Variants in BTF3L4 observed in about 807,000 individuals in gnomAD.
BTF3L4 encodes basic transcription factor 3 like 4, also known as transcription factor BTF3 homolog 4.
Under a neutral mutation model 16.8 loss-of-function variants are expected in BTF3L4, and 6 were observed. That is an observed-to-expected ratio of 0.36 (90% confidence interval 0.20 to 0.71). BTF3L4 has a LOEUF of 0.71. Ranked by LOEUF, BTF3L4 falls within the 30% of genes least tolerant of loss-of-function variation. The pLI, the probability that BTF3L4 is intolerant of heterozygous loss-of-function variation, is 0.58. For synonymous variants in BTF3L4, 39 were observed against 59.8 expected, an observed-to-expected ratio of 0.65 and a Z score of 1.60; for missense variants, 92 against 186.9, an observed-to-expected ratio of 0.49 and a Z score of 2.96.
chr1:52,083,564 T>C, intron 4 of BTF3L4, 23 bp downstream of exon 4: 2 of 1,583,822 alleles, frequency 1.3e-6, no homozygotes, highest in Non-Finnish European at 8.7e-7. Context: ...ATTTAGTAAA[T>C]CTTTCTCTCC....
chr1:52,057,048 T>C (rs1490624081), intron 1 of BTF3L4, among the ~76,000 whole-genome samples: 1 of 152,228 alleles, frequency 6.6e-6, no homozygotes, highest in Admixed American at 6.5e-5. Flanking sequence ...CCATTCCCTG[T>C]GGTTGATAAT....
intron 3 of BTF3L4, among the ~76,000 whole-genome samples, chr1:52,068,695 A>G (rs550426814): frequency 4.6e-5 from 7 of 152,158 alleles, no homozygotes; most frequent in Non-Finnish European, 1.0e-4. Context: ...CCCCCACCAA[A>G]AAAAAGGGAA....
At chr1:52,072,829 G>C (rs1686825059) in intron 3 of BTF3L4, among the ~76,000 whole-genome samples, 1 of 152,168 alleles carries the variant, frequency 6.6e-6, no homozygotes, top group African/African-American at 2.4e-5. Context: ...GGGAGGCTGA[G>C]GTGGTCGCAT....
rs57529132 is a variant in BTF3L4, at chr1:52,073,689, C to CA, written c.168+8779dup. ...GTAACATCGTGAGATGCTGTCTCTA[C>CA]AAAAAAAAAAAAAAAAAAAAAAAAA... On this transcript the variant is annotated intron_variant, in intron 3 of 5. Coordinates refer to ENST00000313334, the MANE Select transcript of BTF3L4 (RefSeq NM_152265.5). 9.5e-4 allele frequency among the ~76,000 whole-genome samples: 64 copies of CA among 67,640 alleles called. 6 individuals are homozygous for CA. The highest frequency in any genetic ancestry group is 4.2e-3 in the East Asian group (7 of 1,668). The allele number at this position is 67,640 out of a possible 152,430, so 44.4% of individuals were successfully genotyped here. A position where few individuals can be genotyped will look rare whatever the true frequency, so the allele number is the denominator to read the frequency against.
At chr1:52,058,335 A>G (rs1440168872) in intron 1 of BTF3L4, among the ~76,000 whole-genome samples, 1 of 152,226 alleles carries the variant, frequency 6.6e-6, no homozygotes, top group African/African-American at 2.4e-5. Flanking sequence ...TCTGGACATT[A>G]GCCTTAAAGA....
chr1:52,070,244 G>A (rs1163525295), intron 3 of BTF3L4, among the ~76,000 whole-genome samples: 2 of 150,234 alleles, frequency 1.3e-5, no homozygotes, highest in African/African-American at 2.4e-5. Flanking sequence ...AGACTATTTG[G>A]AATAAGACAA....
At chr1:52,060,861 G>A (rs576967313) in intron 2 of BTF3L4, among the ~76,000 whole-genome samples, 1 of 152,338 alleles carries the variant, frequency 6.6e-6, no homozygotes, top group South Asian at 2.1e-4. Flanking sequence ...GTAGCATCAA[G>A]TGTGATGTGA....
At chr1:52,074,401 T>C (rs1686876852) in intron 3 of BTF3L4, among the ~76,000 whole-genome samples, 1 of 150,910 alleles carries the variant, frequency 6.6e-6, no homozygotes, top group African/African-American at 2.4e-5. Flanking sequence ...TTCACTCTTA[T>C]TGCCTAGGCT....
chr1:52,086,123 A>G lies in BTF3L4; in HGVS notation c.382A>G (p.Lys128Glu). 1.2e-6 allele frequency: 2 copies of G among 1,609,766 alleles called. No homozygotes were observed. Among genetic ancestry groups the G allele is most frequent in the Non-Finnish European group, 1.7e-6 (2 of 1,177,990 alleles). Reference sequence around the variant, plus strand: ...TAAACTTTTTGTAGTCTTGGACAGTAAAGCACCAAAACCAGAAGACATTGA... The same window carrying G: ...TAAACTTTTTGTAGTCTTGGACAGTGAAGCACCAAAACCAGAAGACATTGA... ...EQFPRQVLDS[K>E]APKPEDIDEE... Residue 128 changes from lysine (K) to glutamate (E), a missense_variant, in exon 5 of 6, where the codon AAA becomes GAA. Lys to Glu is a moderately conservative substitution (Grantham distance 56). Coordinates refer to ENST00000313334, the MANE Select transcript of BTF3L4 (RefSeq NM_152265.5).
At position 52,060,672 on chromosome 1, in the gene BTF3L4, C is replaced by G. The variant is rs191016111; in HGVS notation, c.54+771C>G. ...CAGACCTGAAGTGGTAGGTAGGACA[C>G]TACTTTTTGTAGTGGGTCCCACTGT... is the stretch of plus-strand genomic sequence containing the variant. On this transcript the variant is annotated intron_variant, in intron 2 of 5. Transcript: ENST00000313334. 11 of 1,028,720 alleles carry G rather than the reference C, an allele frequency of 1.1e-5. No homozygotes were observed. The East Asian group carries it at 8.3e-4, about 77-fold the overall frequency. 63.7% of individuals were successfully genotyped at this position (1,028,720 alleles called of 1,614,324 possible). A position where few individuals can be genotyped will look rare whatever the true frequency, so the allele number is the denominator to read the frequency against.
At chr1:52,057,203 G>C (rs962939404) in intron 1 of BTF3L4, among the ~76,000 whole-genome samples, 6 of 152,206 alleles carry the variant, frequency 3.9e-5, no homozygotes, top group Non-Finnish European at 7.3e-5. Flanking sequence ...GCTTGTCTTA[G>C]AGAAACCCTA....
chr1:52,065,059 A>T (rs1021451035), intron 3 of BTF3L4, 121 bp downstream of exon 3: 1 of 485,500 alleles, frequency 2.1e-6, no homozygotes, highest in Non-Finnish European at 3.7e-6. Flanking sequence ...GATGTCTTTG[A>T]AGGACTGTGG....
At chr1:52,083,761 T>C (rs1394355531) in intron 4 of BTF3L4, among the ~76,000 whole-genome samples, 1 of 152,216 alleles carries the variant, frequency 6.6e-6, no homozygotes, top group Admixed American at 6.5e-5. Flanking sequence ...GGCTCATGCC[T>C]GTATTCTCAG....
intron 3 of BTF3L4, among the ~76,000 whole-genome samples, chr1:52,077,515 G>A (rs571087469): frequency 5.9e-5 from 9 of 152,246 alleles, no homozygotes; most frequent in East Asian, 1.9e-4. Flanking sequence ...CCGAGATTGC[G>A]CCATTGCACT....
rs547717229 is a variant in BTF3L4 at position 52,056,750 on chromosome 1, C to T, written c.-14+371C>T. On this transcript the variant is annotated intron_variant, in intron 1 of 5. Coordinates refer to ENST00000313334, the MANE Select transcript of BTF3L4 (RefSeq NM_152265.5). ...TCTGTTGTCATCTCATTTGATGCTCCCAGTCTACAGATAGGGAAGCTGAGG... is the reference window on the plus strand; with the variant it reads ...TCTGTTGTCATCTCATTTGATGCTCTCAGTCTACAGATAGGGAAGCTGAGG... 3.3e-5 allele frequency among the ~76,000 whole-genome samples: 5 copies of T among 152,356 alleles called. No individual in the cohort carries two copies. In the East Asian group the frequency reaches 9.6e-4, roughly 29 times the overall value.
rs1256668564 is a variant in BTF3L4, at chr1:52,087,790, A to C, written c.*1032A>C. On this transcript the variant is annotated 3_prime_UTR_variant, in exon 6 of 6. Coordinates refer to ENST00000313334, the MANE Select transcript of BTF3L4 (RefSeq NM_152265.5). The stretch of plus-strand genomic sequence containing the variant: ...GGGAATGTCCTTTTGAATCAGAAGA[A>C]AATAGGCCATAGACTCATCTCCCAG... 1 of 152,640 alleles carries C rather than the reference A, an allele frequency of 6.6e-6. No individual in the cohort carries two copies. Among genetic ancestry groups the C allele is most frequent in the Non-Finnish European group, 1.5e-5 (1 of 68,046 alleles). 9.5% of individuals were successfully genotyped at this position (152,640 alleles called of 1,614,324 possible).
intron 2 of BTF3L4, among the ~76,000 whole-genome samples, chr1:52,063,209 A>G (rs1038598644): frequency 1.3e-5 from 2 of 152,202 alleles, no homozygotes; most frequent in African/African-American, 4.8e-5. Flanking sequence ...CCTCAGATTC[A>G]TGATTTTAGA....
intron 3 of BTF3L4, among the ~76,000 whole-genome samples, chr1:52,072,842 C>T (rs867769786): frequency 5.3e-5 from 8 of 152,106 alleles, no homozygotes; most frequent in Admixed American, 2.0e-4. Context: ...GGTCGCATCA[C>T]GAGGTCAGGA....
chr1:52,086,767 T>C lies in BTF3L4; in HGVS notation c.*9T>C. The stretch of plus-strand genomic sequence containing the variant: ...AGAATGAAGCTAACTAAAAGTTTGG[T>C]TTTTGGAAGCTGGCATGGACTAGAT... On this transcript the variant is annotated 3_prime_UTR_variant, in exon 6 of 6. Transcript: ENST00000313334. The C allele has an allele frequency of 6.3e-7, 1 of 1,588,978 alleles. No individual in the cohort carries two copies. Among genetic ancestry groups the C allele is most frequent in the Non-Finnish European group, 8.6e-7 (1 of 1,167,418 alleles).
Sources: gnomAD v4.1 joint callset for allele counts (sites outside exome capture counted in the v4.1 genomes callset) on GRCh38, gnomAD v4.1.1 for gene constraint, MANE v1.5 for transcripts, NCBI Gene and HGNC (gene_info 2026-07-23, HGNC 2026-07-21) for gene names.